FAM110B: variants seen among roughly 807,000 people sequenced by gnomAD.
FAM110B encodes protein FAM110B.
FAM110B carries 6 observed loss-of-function variants against 20.4 expected under a neutral mutation model. That is an observed-to-expected ratio of 0.29 (90% confidence interval 0.16 to 0.58). FAM110B has a LOEUF of 0.58. FAM110B is among the 20% of genes least tolerant of loss of function. The probability of loss-of-function intolerance (pLI) is 0.90; values close to 1 mark genes in which losing one functional copy is unlikely to be tolerated. For synonymous variants in FAM110B, 226 were observed against 214.1 expected, an observed-to-expected ratio of 1.06 and a Z score of -0.49; for missense variants, 434 against 498.2, an observed-to-expected ratio of 0.87 and a Z score of 1.23.
chr8:58,121,462 C>T (rs1040174152), intron 3 of FAM110B, among the ~76,000 whole-genome samples: 10 of 152,144 alleles, frequency 6.6e-5, no homozygotes, highest in African/African-American at 2.4e-4. Context: ...GTACGGAAAA[C>T]CTGTAGGAAT....
intron 1 of FAM110B, among the ~76,000 whole-genome samples, chr8:58,018,626 C>T (rs367739549): frequency 6.6e-6 from 1 of 152,124 alleles, no homozygotes; most frequent in East Asian, 1.9e-4. Context: ...TGATATTAGA[C>T]ATTGATACGG....
chr8:58,037,615 C>T (rs1279449825), intron 2 of FAM110B, among the ~76,000 whole-genome samples: 3 of 151,802 alleles, frequency 2.0e-5, no homozygotes, highest in Non-Finnish European at 4.4e-5. Context: ...CCAGCCTGAG[C>T]GACAGAGTAA....
intron 2 of FAM110B, among the ~76,000 whole-genome samples, chr8:58,035,762 G>A (rs1171160181): frequency 6.6e-6 from 1 of 152,178 alleles, no homozygotes; most frequent in East Asian, 1.9e-4. Context: ...CATTGTAGTG[G>A]GAGTAACATG....
At chr8:58,039,331 GTCCCTGTTTGTC>G (rs1805153784) in intron 2 of FAM110B, among the ~76,000 whole-genome samples, 1 of 152,196 alleles carries the variant, frequency 6.6e-6, no homozygotes, top group Non-Finnish European at 1.5e-5. Context: ...AATGTGTCCA[GTCCCTGTTTGTC>G]TCCCTGCTGG....
intron 2 of FAM110B, among the ~76,000 whole-genome samples, chr8:58,071,976 C>T (rs1805910067): frequency 6.6e-6 from 1 of 152,176 alleles, no homozygotes; most frequent in African/African-American, 2.4e-5. Flanking sequence ...TGGTTTTGCT[C>T]TTTCCAGAAG....
At chr8:58,007,143 G>A (rs1388464522) in intron 1 of FAM110B, among the ~76,000 whole-genome samples, 1 of 151,960 alleles carries the variant, frequency 6.6e-6, no homozygotes, top group Admixed American at 6.6e-5. Context: ...TAGCTGGAAT[G>A]TCATCTTCAC....
chr8:58,099,039 CA>C (rs949258166), intron 3 of FAM110B: 2 of 152,236 alleles, frequency 1.3e-5, no homozygotes, highest in African/African-American at 4.8e-5. Context: ...AGACAGGATA[CA>C]TTCTTGTTCA....
intron 2 of FAM110B, among the ~76,000 whole-genome samples, chr8:58,047,095 C>T (rs1023267142): frequency 1.3e-5 from 2 of 152,046 alleles, no homozygotes; most frequent in Non-Finnish European, 1.5e-5. Context: ...CATTTCCAAA[C>T]GATATTGAAA....
chr8:57,998,448 A>C (rs1254154667), intron 1 of FAM110B, among the ~76,000 whole-genome samples: 1 of 152,232 alleles, frequency 6.6e-6, no homozygotes, highest in African/African-American at 2.4e-5. Flanking sequence ...ATCAGAGGGG[A>C]TTATGATGAT....
intron 1 of FAM110B, among the ~76,000 whole-genome samples, chr8:58,018,696 T>C (rs1804684420): frequency 6.6e-6 from 1 of 152,208 alleles, no homozygotes; most frequent in South Asian, 2.1e-4. Flanking sequence ...TGTTTGTTCC[T>C]TCTTTCTTGC....
intron 3 of FAM110B, chr8:58,077,146 G>T (rs1403101539): frequency 6.6e-6 from 1 of 152,176 alleles, no homozygotes; most frequent in East Asian, 1.9e-4. Flanking sequence ...GCTCTGATAC[G>T]AAAGCCGGGG....
At chr8:58,084,897 T>C (rs376539289) in intron 3 of FAM110B, among the ~76,000 whole-genome samples, 3 of 152,050 alleles carry the variant, frequency 2.0e-5, no homozygotes, top group Non-Finnish European at 2.9e-5. Context: ...CCGAGTGGCA[T>C]TGGTTTCTAA....
At chr8:58,070,827 G>A (rs1393941593) in intron 2 of FAM110B, among the ~76,000 whole-genome samples, 1 of 152,230 alleles carries the variant, frequency 6.6e-6, no homozygotes, top group Non-Finnish European at 1.5e-5. Context: ...CTGTGCCTTA[G>A]CAGAAGTAAT....
At chr8:58,132,810 A>T (rs1055443386) in intron 3 of FAM110B, among the ~76,000 whole-genome samples, 2 of 152,236 alleles carry the variant, frequency 1.3e-5, no homozygotes, top group South Asian at 4.1e-4. Flanking sequence ...AAGCAAAATT[A>T]TGCTCTTTCT....
intron 1 of FAM110B, among the ~76,000 whole-genome samples, chr8:58,014,370 G>A (rs1315683419): frequency 1.3e-5 from 2 of 152,140 alleles, no homozygotes; most frequent in Non-Finnish European, 2.9e-5. Context: ...TTGCTCCAGA[G>A]TTTCTTATTC....
At chr8:58,006,571 T>A (rs1435596028) in intron 1 of FAM110B, among the ~76,000 whole-genome samples, 1 of 151,966 alleles carries the variant, frequency 6.6e-6, no homozygotes, top group Non-Finnish European at 1.5e-5. Flanking sequence ...TAAGGACATT[T>A]CAGTATTAGG....
intron 2 of FAM110B, among the ~76,000 whole-genome samples, chr8:58,057,471 C>T (rs188438332): frequency 1.3e-3 from 192 of 152,256 alleles, no homozygotes; most frequent in African/African-American, 4.0e-3. Flanking sequence ...AAGAATATGG[C>T]TTTCAGGTTT....
At chr8:57,996,134 G>T (rs1197603136) in intron 1 of FAM110B, among the ~76,000 whole-genome samples, 1 of 152,216 alleles carries the variant, frequency 6.6e-6, no homozygotes, top group Admixed American at 6.5e-5. Flanking sequence ...GAATAAAGGT[G>T]AGTTAATGGT....
intron 2 of FAM110B, among the ~76,000 whole-genome samples, chr8:58,067,105 GA>G (rs1190039160): frequency 4.6e-5 from 7 of 152,112 alleles, no homozygotes; most frequent in Non-Finnish European, 8.8e-5. Flanking sequence ...TTTTATGCGT[GA>G]ACCCTAACTT....
Sources: allele counts gnomAD v4.1 joint callset (sites outside exome capture counted in the v4.1 genomes callset), GRCh38; gene constraint gnomAD v4.1.1; transcripts MANE v1.5; gene names NCBI Gene and HGNC (gene_info 2026-07-23, HGNC 2026-07-21).